CRADD: variants seen among roughly 807,000 people sequenced by gnomAD.
The protein encoded by CRADD is CARD and death domain containing adaptor protein.
CRADD carries 9 observed loss-of-function variants against 15.5 expected under a neutral mutation model. That is an observed-to-expected ratio of 0.58 (90% CI 0.35 to 1.01). The LOEUF (loss-of-function observed/expected upper bound fraction) is 1.01. CRADD is among the 50% of genes least tolerant of loss of function. The pLI, the probability that CRADD is intolerant of heterozygous loss-of-function variation, is 0.02. For synonymous variants in CRADD, 118 were observed against 107.6 expected (o/e 1.10, Z -0.60); for missense variants, 227 against 250.3 (o/e 0.91, Z 0.63).
chr12:93,767,983 G>T (rs1957043536), intron 2 of CRADD, among the ~76,000 whole-genome samples: 1 of 152,168 alleles, frequency 6.6e-6, no homozygotes, highest in Admixed American at 6.5e-5. Context: ...TATATACATT[G>T]GAAACACTCT....
In CRADD at chr12:93,824,618, A is replaced by G. The variant is rs1246598559; in HGVS notation, c.299-25352A>G. ...CTGTCGTGTTAACACCGAAGAATGC[A>G]TTAGAATGCATCATTCTATGATACA... On this transcript the variant is annotated intron_variant, in intron 2 of 2. Coordinates refer to ENST00000332896, the MANE Select transcript of CRADD (RefSeq NM_003805.5). This position sits in a 1 kb window ranked among gnomAD's most constrained non-coding sequence, Gnocchi z 4.3. 6.6e-6 allele frequency among the ~76,000 whole-genome samples: 1 copy of G among 152,222 alleles called. No individual in the cohort carries two copies.
At chr12:93,827,054 C>T (rs191266347) in intron 2 of CRADD, among the ~76,000 whole-genome samples, 2 of 152,208 alleles carry the variant, frequency 1.3e-5, no homozygotes, top group East Asian at 3.9e-4. Flanking sequence ...CCCAAAAAAA[C>T]CCCCAGCTTT....
chr12:93,893,385 T>C (rs954370640), intron 2 of CRADD, among the ~76,000 whole-genome samples: 1 of 151,342 alleles, frequency 6.6e-6, no homozygotes, highest in African/African-American at 2.5e-5. Context: ...ACACAATTCC[T>C]AGGGTGTTGA....
intron 2 of CRADD, among the ~76,000 whole-genome samples, chr12:93,763,268 A>G (rs955598837): frequency 5.9e-5 from 9 of 152,152 alleles, no homozygotes; most frequent in African/African-American, 2.2e-4. Context: ...TATTTCTAGT[A>G]TCATTGTTGC....
intron 2 of CRADD, among the ~76,000 whole-genome samples, chr12:93,767,135 G>C (rs1412161711): frequency 6.6e-6 from 1 of 152,270 alleles, no homozygotes; most frequent in South Asian, 2.1e-4. Context: ...ATTCACAAAG[G>C]ATCTGGTTTC....
At position 93,741,435 on chromosome 12, in the gene CRADD, T is replaced by G. The variant is rs562659686; in HGVS notation, c.298+62363T>G. Reference sequence around the variant, plus strand: ...GGATTATAGCGTCCTTTCCTAAAGGTTATCATGAAAAAAAGTTAAAATGTC... The same window carrying G: ...GGATTATAGCGTCCTTTCCTAAAGGGTATCATGAAAAAAAGTTAAAATGTC... On this transcript the variant is annotated intron_variant, in intron 2 of 2. Transcript: ENST00000332896. Among the ~76,000 whole-genome samples the G allele has an allele frequency of 1.4e-4, 22 of 152,296 alleles. No homozygotes were observed. The South Asian group carries it at 4.6e-3, about 32-fold the overall frequency.
intron 2 of CRADD, among the ~76,000 whole-genome samples, chr12:93,783,780 A>G (rs143266940): frequency 1.3e-5 from 2 of 152,344 alleles, no homozygotes; most frequent in Non-Finnish European, 2.9e-5. Context: ...TAGGACTATC[A>G]CAAGAAATTC....
intron 2 of CRADD, among the ~76,000 whole-genome samples, chr12:93,783,974 C>T (rs1050584074): frequency 2.0e-5 from 3 of 152,132 alleles, no homozygotes; most frequent in African/African-American, 7.2e-5. Flanking sequence ...AGACATCAGT[C>T]AGGGAAGAGA....
At chr12:93,718,277 TG>T (rs1956197696) in intron 2 of CRADD, among the ~76,000 whole-genome samples, 1 of 152,204 alleles carries the variant, frequency 6.6e-6, no homozygotes, top group African/African-American at 2.4e-5. Flanking sequence ...ATTTTGACAG[TG>T]TTGAGTCCAT....
At chr12:93,679,535 A>G (rs1955237289) in intron 2 of CRADD, among the ~76,000 whole-genome samples, 5 of 152,198 alleles carry the variant, frequency 3.3e-5, no homozygotes, top group Non-Finnish European at 7.3e-5. Context: ...CTGAAGGGAC[A>G]TGACGTTGGA....
chr12:93,885,698 C>A (rs182646533), intron 2 of CRADD, among the ~76,000 whole-genome samples: 103 of 152,214 alleles, frequency 6.8e-4, no homozygotes, highest in Middle Eastern at 3.4e-3. Context: ...AAATTTGCCA[C>A]CCTCTCGAGA....
intron 2 of CRADD, among the ~76,000 whole-genome samples, chr12:93,749,451 T>C (rs1956806102): frequency 1.3e-5 from 2 of 152,152 alleles, no homozygotes; most frequent in South Asian, 4.1e-4. Context: ...GGGACATAGT[T>C]TGCACAGAAG....
chr12:93,872,808 A>G (rs1417089531), intron 2 of CRADD, among the ~76,000 whole-genome samples: 1 of 152,078 alleles, frequency 6.6e-6, no homozygotes, highest in Non-Finnish European at 1.5e-5. Flanking sequence ...TGGTTACTAT[A>G]GCTTTATAGT....
chr12:93,761,468 G>T (rs977074263), intron 2 of CRADD, among the ~76,000 whole-genome samples: 7 of 152,114 alleles, frequency 4.6e-5, no homozygotes, highest in African/African-American at 1.7e-4. Flanking sequence ...GATTAAGAGA[G>T]AAATCAAGGA....
intron 2 of CRADD, among the ~76,000 whole-genome samples, chr12:93,791,916 A>G (rs1337825274): frequency 2.6e-5 from 3 of 116,568 alleles, no homozygotes; most frequent in Non-Finnish European, 3.5e-5. Context: ...TTTTTTTTTT[A>G]GTCTCCAGGC....
chr12:93,734,192 C>T lies in CRADD; in HGVS notation c.298+55120C>T, dbSNP rs537350662. On this transcript the variant is annotated intron_variant, in intron 2 of 2. Transcript: ENST00000332896. ...CCATCCGTCCATCCATCCATCCATCCGTCCATCCATCTTCTAGGTCCTAGG... is the reference window on the plus strand; with the variant it reads ...CCATCCGTCCATCCATCCATCCATCTGTCCATCCATCTTCTAGGTCCTAGG... Among the ~76,000 whole-genome samples the T allele has an allele frequency of 2.1e-4, 32 of 152,222 alleles. No individual in the cohort carries two copies. In the South Asian group the frequency reaches 5.4e-3, roughly 26 times the overall value.
intron 2 of CRADD, among the ~76,000 whole-genome samples, chr12:93,722,345 G>A (rs1045561673): frequency 1.3e-5 from 2 of 151,930 alleles, no homozygotes; most frequent in African/African-American, 4.8e-5. Flanking sequence ...ATGCTGCTTG[G>A]TATTCTCTAA....
intron 2 of CRADD, among the ~76,000 whole-genome samples, chr12:93,685,824 C>G (rs1264076411): frequency 1.4e-5 from 2 of 140,560 alleles, no homozygotes; most frequent in Non-Finnish European, 3.1e-5. Context: ...AAACCCCCAT[C>G]TCTACTTAAA....
chr12:93,734,054 T>C (rs1231518365), intron 2 of CRADD, among the ~76,000 whole-genome samples: 1 of 151,894 alleles, frequency 6.6e-6, no homozygotes, highest in Non-Finnish European at 1.5e-5. Flanking sequence ...CTTTTTTCCC[T>C]TCCTCCCTCC....
Sources: gnomAD v4.1 joint callset for allele counts (sites outside exome capture counted in the v4.1 genomes callset) on GRCh38, gnomAD v4.1.1 for gene constraint, Gnocchi (gnomAD v3.1) non-coding constraint, MANE v1.5 for transcripts, NCBI Gene and HGNC (gene_info 2026-07-23, HGNC 2026-07-21) for gene names.